The following RRBP1 variants were observed in gnomAD, a reference collection of about 807,000 sequenced individuals.
The protein encoded by RRBP1 is ribosome-binding protein 1.
Under a neutral mutation model 165.2 loss-of-function variants are expected in RRBP1, and 94 were observed. The ratio of observed to expected loss-of-function variants is 0.57; its 90% confidence interval spans 0.48 to 0.68. RRBP1 has a LOEUF of 0.68. Among genes scored for constraint, RRBP1 ranks in the 30% least tolerant of loss-of-function variants. The probability of loss-of-function intolerance (pLI) is 0.00; values close to 1 mark genes in which losing one functional copy is unlikely to be tolerated. For synonymous variants in RRBP1, 680 were observed against 714.5 expected (o/e 0.95, Z 0.77); for missense variants, 1,676 against 1,763.0 (o/e 0.95, Z 0.88).
chr20:17,632,766 G>A (rs1242661372), intron 8 of RRBP1, among the ~76,000 whole-genome samples: 1 of 152,182 alleles, frequency 6.6e-6, no homozygotes, highest in Non-Finnish European at 1.5e-5. Flanking sequence ...CCCAACACAG[G>A]CCAGCAGACG....
rs1340923774 is a variant in RRBP1, at chr20:17,641,700, C to T, written c.2184+97G>A. On this transcript the variant is annotated intron_variant, in intron 5 of 24. Transcript: ENST00000377813. ...GACAGCCAGCTACGTTCCAGGCAGG[C>T]CCCAGCATCTCGGAGCCCGGGATCC... 9 of 1,454,090 alleles carry T rather than the reference C, an allele frequency of 6.2e-6. No homozygotes were observed. In the Admixed American group the frequency reaches 6.7e-5, roughly 11 times the overall value. The allele number at this position is 1,454,090 out of a possible 1,614,324, so 90.1% of individuals were successfully genotyped here.
intron 2 of RRBP1, among the ~76,000 whole-genome samples, chr20:17,676,990 CA>C (rs2037095139): frequency 1.3e-5 from 2 of 151,952 alleles, no homozygotes; most frequent in Non-Finnish European, 2.9e-5. Flanking sequence ...TCAAGCGATC[CA>C]CCCGCCTTGG....
chr20:17,628,969 A>G (rs1312776756), intron 9 of RRBP1, among the ~76,000 whole-genome samples: 1 of 152,078 alleles, frequency 6.6e-6, no homozygotes, highest in Non-Finnish European at 1.5e-5. Flanking sequence ...AGAAGCATTC[A>G]CCATCCATCC....
chr20:17,627,405 C>T, intron 10 of RRBP1, 23 bp from the exon 11 acceptor site: 3 of 1,613,830 alleles, frequency 1.9e-6, no homozygotes, highest in Non-Finnish European at 2.5e-6. Context: ...ACAAAAGCTC[C>T]TTGGTCTCCA....
rs1376867276 is a variant in RRBP1 at position 17,658,610 on chromosome 20, T to C, written c.1898A>G (p.Lys633Arg). 1 of 1,591,042 alleles carries C rather than the reference T, an allele frequency of 6.3e-7. No homozygotes were observed. Residue 633 changes from lysine to arginine, a missense_variant, in exon 3 of 25, where the codon AAA becomes AGA. Lys to Arg is a conservative substitution (Grantham distance 26). Around this residue, in one of 5 missense-constraint regions of RRBP1, gnomAD observed 1,184 missense variants for 1,167.1 expected, o/e 1.01. Transcript: ENST00000377813. ...APAKKKSGSK[K>R]KGEPGPPDAD... ...CAGTTACTTACCAGGCTCACCTTTTTTCTTTGAACCAGACTTCTTCTTGGC... is the reference window on the plus strand; with the variant it reads ...CAGTTACTTACCAGGCTCACCTTTTCTCTTTGAACCAGACTTCTTCTTGGC...
Position 17,647,843 on chromosome 20 carries a change from G to A in RRBP1, c.1913-4716C>T, listed in dbSNP as rs116661645. On this transcript the variant is annotated intron_variant, in intron 3 of 24. Coordinates refer to ENST00000377813, the MANE Select transcript of RRBP1 (RefSeq NM_001365613.2). ...TGCTGCCTCCGGGCCTGCACGGGGTGACTCCAGACAGTGCAGACCAAGGCA... is the reference window on the plus strand; with the variant it reads ...TGCTGCCTCCGGGCCTGCACGGGGTAACTCCAGACAGTGCAGACCAAGGCA... Among the ~76,000 whole-genome samples the A allele has an allele frequency of 4.0e-3, 611 of 152,348 alleles. 3 individuals are homozygous for A. The highest frequency in any genetic ancestry group is 0.014 in the African/African-American group (584 of 41,580).
intron 21 of RRBP1, 57 bp from the exon 22 acceptor site, chr20:17,616,066 C>T: frequency 1.4e-6 from 2 of 1,461,098 alleles, no homozygotes; most frequent in Non-Finnish European, 1.9e-6. Context: ...TCCAGGGGCC[C>T]AGGGATCCAG....
intron 5 of RRBP1, among the ~76,000 whole-genome samples, chr20:17,640,330 G>C (rs543823062): frequency 1.2e-4 from 19 of 152,340 alleles, no homozygotes; most frequent in Middle Eastern, 3.4e-3. Flanking sequence ...GCACGGAAGG[G>C]CATTAGAGGC....
rs772417247 is a variant in RRBP1, at chr20:17,618,709, GA to G, written c.3676-31del. 28 of 1,547,082 alleles carry G rather than the reference GA, an allele frequency of 1.8e-5. No individual in the cohort carries two copies. In the South Asian group the frequency reaches 2.0e-4, roughly 11 times the overall value. On this transcript the variant is annotated intron_variant, in intron 19 of 24. Coordinates refer to ENST00000377813, the MANE Select transcript of RRBP1 (RefSeq NM_001365613.2). ...GGGAGAAAACAGAGGCGGGTGATGG[GA>G]AAAAAGGAGAGAAAAGGAGAAAACC... is the stretch of plus-strand genomic sequence containing the variant.
chr20:17,635,485 G>A (rs966640872), intron 7 of RRBP1, 61 bp downstream of exon 7: 8 of 1,301,096 alleles, frequency 6.1e-6, no homozygotes, highest in East Asian at 4.7e-5. Context: ...CCGCAGCCTC[G>A]TGAAGCCTTC....
chr20:17,642,858 T>C, intron 4 of RRBP1, 121 bp downstream of exon 4: 1 of 1,143,290 alleles, frequency 8.7e-7, no homozygotes, highest in Non-Finnish European at 1.2e-6. Flanking sequence ...GGCAGAATTC[T>C]GCCAGGAAAG....
At chr20:17,622,330 G>A (rs937563024) in intron 13 of RRBP1, among the ~76,000 whole-genome samples, 20 of 152,164 alleles carry the variant, frequency 1.3e-4, no homozygotes, top group Non-Finnish European at 4.4e-5. Context: ...ATGTGTGAGA[G>A]CCAGGGCAGG....
At position 17,643,236 on chromosome 20, in the gene RRBP1, T is replaced by G; in HGVS notation, c.1913-109A>C. On this transcript the variant is annotated intron_variant, in intron 3 of 24. Coordinates refer to ENST00000377813, the MANE Select transcript of RRBP1 (RefSeq NM_001365613.2). The surrounding 1 kb of genome is among the most constrained non-coding windows in gnomAD (Gnocchi z 4.3). The stretch of plus-strand genomic sequence containing the variant: ...TTCTGGTCACAGCCACGAAGAGCTC[T>G]CTGACTGCTTGGGGTCAGCAGGCTG... The G allele has an allele frequency of 8.6e-7, 1 of 1,158,148 alleles. No individual in the cohort carries two copies. Among genetic ancestry groups the G allele is most frequent in the Non-Finnish European group, 1.2e-6 (1 of 824,910 alleles). The allele number at this position is 1,158,148 out of a possible 1,614,324, so 71.7% of individuals were successfully genotyped here.
intron 3 of RRBP1, among the ~76,000 whole-genome samples, chr20:17,652,006 A>AGGTAGGG (rs1320223367): frequency 6.6e-6 from 1 of 152,150 alleles, no homozygotes; most frequent in African/African-American, 2.4e-5. Flanking sequence ...GCCAGGTAAC[A>AGGTAGGG]GGTAGGGCTA....
chr20:17,674,682 C>T lies in RRBP1; in HGVS notation c.-22+5317G>A, dbSNP rs541106427. On this transcript the variant is annotated intron_variant, in intron 2 of 24. Coordinates refer to ENST00000377813, the MANE Select transcript of RRBP1 (RefSeq NM_001365613.2). The stretch of plus-strand genomic sequence containing the variant: ...GGGTGAGGCAGGAGAATGGCATGAA[C>T]CTGAGGGCAGAGCTTGCAGTGAGCT... Among the ~76,000 whole-genome samples the T allele has an allele frequency of 1.5e-4, 23 of 152,132 alleles. 1 individual carries two copies. The South Asian group carries it at 4.8e-3, about 32-fold the overall frequency.
At chr20:17,631,133 G>T (rs141401927) in intron 8 of RRBP1, among the ~76,000 whole-genome samples, 1 of 152,238 alleles carries the variant, frequency 6.6e-6, no homozygotes, top group African/African-American at 2.4e-5. Flanking sequence ...GGGAGGAAAT[G>T]AAAGAAAGGA....
chr20:17,624,035 A>G (rs1426569701), intron 13 of RRBP1, among the ~76,000 whole-genome samples: 2 of 152,192 alleles, frequency 1.3e-5, no homozygotes, highest in African/African-American at 2.4e-5. Context: ...ATAACACCAA[A>G]AAAGCTCATA....
chr20:17,681,167 G>A (rs1272526594), intron 1 of RRBP1, among the ~76,000 whole-genome samples: 11 of 150,318 alleles, frequency 7.3e-5, no homozygotes, highest in Non-Finnish European at 1.2e-4. Context: ...TCCGCCCGGG[G>A]CTGGCACCGC....
At position 17,643,552 on chromosome 20, in the gene RRBP1, C is replaced by T. The variant is rs1462422861; in HGVS notation, c.1913-425G>A. On this transcript the variant is annotated intron_variant, in intron 3 of 24. Transcript: ENST00000377813. The surrounding 1 kb of genome is among the most constrained non-coding windows in gnomAD (Gnocchi z 4.3). ...CTCCCCACTGGCTGTGACTGAGCCCCGTGGCCTTGTGGGACCTGACTGGGC... is the reference window on the plus strand; with the variant it reads ...CTCCCCACTGGCTGTGACTGAGCCCTGTGGCCTTGTGGGACCTGACTGGGC... 2.6e-5 allele frequency among the ~76,000 whole-genome samples: 4 copies of T among 152,156 alleles called. No individual in the cohort carries two copies. Among genetic ancestry groups the T allele is most frequent in the African/African-American group, 4.8e-5 (2 of 41,434 alleles).
Sources: gnomAD v4.1 joint callset for allele counts (sites outside exome capture counted in the v4.1 genomes callset) on GRCh38, gnomAD v4.1.1 for gene constraint, gnomAD v4.1.1 regional missense constraint, Gnocchi (gnomAD v3.1) non-coding constraint, MANE v1.5 for transcripts, NCBI Gene and HGNC (gene_info 2026-07-23, HGNC 2026-07-21) for gene names.